The following SLC35F3 variants were observed in gnomAD, a reference collection of about 807,000 sequenced individuals.
SLC35F3 encodes the protein solute carrier family 35 member F3.
Under a neutral mutation model 49.9 loss-of-function variants are expected in SLC35F3, and 25 were observed. That is an observed-to-expected ratio of 0.50 (90% CI 0.37 to 0.70). The LOEUF is 0.70. SLC35F3 is among the 30% of genes least tolerant of loss of function. The pLI, the probability that SLC35F3 is intolerant of heterozygous loss-of-function variation, is 0.00. For missense variants in SLC35F3, 525 were observed against 639.8 expected, an observed-to-expected ratio of 0.82 and a Z score of 1.94; for synonymous variants, 275 against 265.4, an observed-to-expected ratio of 1.04 and a Z score of -0.35.
chr1:234,232,772 T>C (rs945943443), intron 3 of SLC35F3, among the ~76,000 whole-genome samples: 4 of 151,670 alleles, frequency 2.6e-5, no homozygotes, highest in South Asian at 2.1e-4. Flanking sequence ...AAAAACATCA[T>C]TGGGTCCAAG....
At chr1:233,973,178 G>A (rs983058540) in intron 2 of SLC35F3, among the ~76,000 whole-genome samples, 7 of 152,184 alleles carry the variant, frequency 4.6e-5, no homozygotes, top group African/African-American at 1.4e-4. Flanking sequence ...CTGTAGAGTC[G>A]AGAATAATAT....
chr1:233,974,169 T>C (rs1011690238), intron 2 of SLC35F3, among the ~76,000 whole-genome samples: 1 of 147,780 alleles, frequency 6.8e-6, no homozygotes, highest in Non-Finnish European at 1.5e-5. Flanking sequence ...GATGTATTTC[T>C]ATTTCTTTTT....
intron 3 of SLC35F3, among the ~76,000 whole-genome samples, chr1:234,242,634 A>G (rs754754798): frequency 2.0e-5 from 3 of 152,186 alleles, no homozygotes; most frequent in Admixed American, 1.3e-4. Context: ...ATACAACTAT[A>G]CTAATTACAT....
At chr1:234,207,130 A>G (rs1666982522) in intron 2 of SLC35F3, among the ~76,000 whole-genome samples, 1 of 151,932 alleles carries the variant, frequency 6.6e-6, no homozygotes, top group Non-Finnish European at 1.5e-5. Context: ...GCAGGCAGCT[A>G]TTTCCGAACT....
chr1:234,050,318 A>G (rs1466390753), intron 2 of SLC35F3, among the ~76,000 whole-genome samples: 2 of 152,160 alleles, frequency 1.3e-5, no homozygotes, highest in Admixed American at 6.5e-5. Context: ...TGACTTTTCA[A>G]TGATCGCCAT....
chr1:234,061,190 C>T (rs1664533884), intron 2 of SLC35F3, among the ~76,000 whole-genome samples: 1 of 151,748 alleles, frequency 6.6e-6, no homozygotes, highest in South Asian at 2.1e-4. Flanking sequence ...TATCTCAAGG[C>T]GTCTTTTCTT....
chr1:234,069,144 A>C (rs1403279293), intron 2 of SLC35F3, among the ~76,000 whole-genome samples: 2 of 129,206 alleles, frequency 1.5e-5, no homozygotes, highest in Non-Finnish European at 1.6e-5. Flanking sequence ...ATAATATATA[A>C]TATATTTATA....
At chr1:233,947,859 C>A in intron 2 of SLC35F3, among the ~76,000 whole-genome samples, 1 of 147,080 alleles carries the variant, frequency 6.8e-6, no homozygotes, top group Non-Finnish European at 1.5e-5. Flanking sequence ...TCTTAGTGGG[C>A]ATTATCAAAG....
intron 3 of SLC35F3, among the ~76,000 whole-genome samples, chr1:234,287,209 AT>A (rs991500121): frequency 6.6e-6 from 1 of 152,162 alleles, no homozygotes; most frequent in African/African-American, 2.4e-5. Context: ...ATAAATAAAA[AT>A]AAAAATTTAA....
chr1:234,100,460 A>AAGCTG (rs778451283), intron 2 of SLC35F3, among the ~76,000 whole-genome samples: 15 of 152,248 alleles, frequency 9.9e-5, no homozygotes, highest in Non-Finnish European at 2.2e-4. Context: ...GGTAGCCAAG[A>AAGCTG]AGCTGGTGTT....
chr1:233,944,352 A>AAT (rs943756202), intron 2 of SLC35F3, among the ~76,000 whole-genome samples: 1 of 152,168 alleles, frequency 6.6e-6, no homozygotes, highest in Non-Finnish European at 1.5e-5. Context: ...TTTATGGTTT[A>AAT]ATATATATAT....
Position 234,307,566 on chromosome 1 carries a change from TTCC to T in SLC35F3, c.609-1530_609-1528del, listed in dbSNP as rs562081656. ...TCCCCTTTGACTCTTGTTTTTAATT[TTCC>T]TCCTTTTTCTCTGCATTTTAATATT... On this transcript the variant is annotated intron_variant, in intron 3 of 7. Coordinates refer to ENST00000366618, the MANE Select transcript of SLC35F3 (RefSeq NM_173508.4). Among the ~76,000 whole-genome samples, 26 of 152,344 alleles carry T rather than the reference TTCC, an allele frequency of 1.7e-4. No homozygotes were observed. In the East Asian group the frequency reaches 5.0e-3, roughly 29 times the overall value.
At chr1:234,081,074 G>C (rs1664868073) in intron 2 of SLC35F3, among the ~76,000 whole-genome samples, 2 of 152,074 alleles carry the variant, frequency 1.3e-5, no homozygotes, top group South Asian at 4.1e-4. Flanking sequence ...CATTCCTACT[G>C]CCATATATTC....
chr1:234,055,457 A>G (rs1165223485), intron 2 of SLC35F3, among the ~76,000 whole-genome samples: 1 of 152,220 alleles, frequency 6.6e-6, no homozygotes, highest in Non-Finnish European at 1.5e-5. Flanking sequence ...CCTCCTAGCC[A>G]TGCATGGGAT....
In SLC35F3 at chr1:234,047,270, G is replaced by A. The variant is rs554150881; in HGVS notation, c.283+141512G>A. 4.0e-4 allele frequency among the ~76,000 whole-genome samples: 61 copies of A among 152,248 alleles called. 1 individual carries two copies. Among genetic ancestry groups the A allele is most frequent in the African/African-American group, 1.3e-3 (53 of 41,546 alleles). On this transcript the variant is annotated intron_variant, in intron 2 of 7. Coordinates refer to ENST00000366618, the MANE Select transcript of SLC35F3 (RefSeq NM_173508.4). ...AACCTGACTGGGCCACAGGGTGCCT[G>A]GATATTTGCTCAAACATTATTCTGA...
At chr1:233,944,926 T>G (rs1462647988) in intron 2 of SLC35F3, among the ~76,000 whole-genome samples, 1 of 152,076 alleles carries the variant, frequency 6.6e-6, no homozygotes, top group Non-Finnish European at 1.5e-5. Context: ...CTGCATGATA[T>G]CTGTAGCATA....
intron 7 of SLC35F3, among the ~76,000 whole-genome samples, chr1:234,321,643 A>G (rs529104089): frequency 6.6e-6 from 1 of 152,312 alleles, no homozygotes; most frequent in Admixed American, 6.5e-5. Flanking sequence ...CAGGTGTTTG[A>G]GAGATTCATT....
At chr1:234,306,963 G>A (rs1296385341) in intron 3 of SLC35F3, among the ~76,000 whole-genome samples, 1 of 152,166 alleles carries the variant, frequency 6.6e-6, no homozygotes, top group Non-Finnish European at 1.5e-5. Flanking sequence ...AAGTATAGTG[G>A]AGATAGATTG....
intron 2 of SLC35F3, among the ~76,000 whole-genome samples, chr1:234,117,714 G>A (rs78302078): frequency 6.6e-5 from 10 of 151,136 alleles, no homozygotes; most frequent in South Asian, 4.2e-4. Context: ...GTGAAACCCC[G>A]TCTCTACTAA....
Sources: allele counts gnomAD v4.1 joint callset (sites outside exome capture counted in the v4.1 genomes callset), GRCh38; gene constraint gnomAD v4.1.1; transcripts MANE v1.5; gene names NCBI Gene and HGNC (gene_info 2026-07-23, HGNC 2026-07-21).